Variants in CBFA2T2 observed in about 807,000 individuals in gnomAD.
The protein encoded by CBFA2T2 is CBFA2/RUNX1 partner transcriptional co-repressor 2.
A neutral mutation model predicts 62.2 loss-of-function variants in CBFA2T2; 11 were observed. The ratio of observed to expected loss-of-function variants is 0.18; its 90% confidence interval spans 0.11 to 0.29. CBFA2T2 has a LOEUF of 0.29. Ranked by LOEUF, CBFA2T2 falls within the 10% of genes least tolerant of loss-of-function variation. CBFA2T2 has a pLI of 1.00. For missense variants in CBFA2T2, 592 were observed against 774.1 expected (o/e 0.76, Z 2.79); for synonymous variants, 295 against 287.5 (o/e 1.03, Z -0.27).
At chr20:33,637,092 C>T (rs568556616) in intron 9 of CBFA2T2, among the ~76,000 whole-genome samples, 1 of 152,320 alleles carries the variant, frequency 6.6e-6, no homozygotes, top group South Asian at 2.1e-4. Flanking sequence ...AAATTCTGCT[C>T]TGGGCACAGC....
intron 1 of CBFA2T2, among the ~76,000 whole-genome samples, chr20:33,498,975 G>A (rs888637670): frequency 4.0e-5 from 6 of 151,774 alleles, no homozygotes; most frequent in Non-Finnish European, 5.9e-5. Context: ...CCCAGGGGGC[G>A]GAAGGTTGCA....
intron 1 of CBFA2T2, among the ~76,000 whole-genome samples, chr20:33,583,252 G>T (rs115987350): frequency 6.6e-6 from 1 of 152,110 alleles, no homozygotes; most frequent in Non-Finnish European, 1.5e-5. Flanking sequence ...CTATTGTATC[G>T]ATTTGAAAAA....
chr20:33,563,892 A>T (rs1054266091), intron 1 of CBFA2T2, among the ~76,000 whole-genome samples: 25 of 152,028 alleles, frequency 1.6e-4, no homozygotes, highest in Admixed American at 1.5e-3. Context: ...CTCGTCTCAG[A>T]TTGTCTGCAT....
chr20:33,602,932 T>C (rs185807687), intron 1 of CBFA2T2, among the ~76,000 whole-genome samples: 103 of 152,298 alleles, frequency 6.8e-4, no homozygotes, highest in Non-Finnish European at 1.0e-3. Flanking sequence ...GTAACCGAGA[T>C]GGCTACTAAG....
intron 1 of CBFA2T2, among the ~76,000 whole-genome samples, chr20:33,505,553 G>A (rs1256976900): frequency 6.6e-6 from 1 of 152,146 alleles, no homozygotes; most frequent in Non-Finnish European, 1.5e-5. Flanking sequence ...GGAGGCCGAG[G>A]CGGGTGAATC....
At chr20:33,543,659 GA>G (rs1353347447) in intron 1 of CBFA2T2, among the ~76,000 whole-genome samples, 1 of 152,014 alleles carries the variant, frequency 6.6e-6, no homozygotes, top group Admixed American at 6.6e-5. Context: ...TTTACAATTG[GA>G]AAAAACGGAA....
intron 8 of CBFA2T2, among the ~76,000 whole-genome samples, chr20:33,634,981 A>T (rs2016586551): frequency 6.6e-6 from 1 of 152,234 alleles, no homozygotes; most frequent in South Asian, 2.1e-4. Context: ...AGAGAACAAC[A>T]TTAGAAATCT....
At chr20:33,520,386 T>C (rs1011497583) in intron 1 of CBFA2T2, among the ~76,000 whole-genome samples, 2 of 152,218 alleles carry the variant, frequency 1.3e-5, no homozygotes, top group Non-Finnish European at 2.9e-5. Context: ...CTATATTGTC[T>C]TGGTAACCAA....
chr20:33,514,123 G>T (rs903015248), intron 1 of CBFA2T2, among the ~76,000 whole-genome samples: 1 of 148,952 alleles, frequency 6.7e-6, no homozygotes, highest in South Asian at 2.1e-4. Flanking sequence ...GGCGGGCCTC[G>T]AACTCCTGAC....
intron 1 of CBFA2T2, among the ~76,000 whole-genome samples, chr20:33,529,743 TTATATATATATATA>T (rs139769122): frequency 7.4e-4 from 3 of 4,040 alleles, no homozygotes; most frequent in African/African-American, 9.6e-4. Context: ...AAGAAAGCAG[TTATATATATATATA>T]TATATATATA....
chr20:33,618,614 A>G (rs887928052), intron 3 of CBFA2T2: 1 of 152,236 alleles, frequency 6.6e-6, no homozygotes, highest in Admixed American at 6.6e-5. Context: ...GAAGGCAACT[A>G]TTCTTTTTTC....
intron 1 of CBFA2T2, among the ~76,000 whole-genome samples, chr20:33,528,440 A>T (rs945432416): frequency 2.6e-5 from 4 of 152,220 alleles, no homozygotes; most frequent in African/African-American, 9.6e-5. Context: ...AGAAGAGCAG[A>T]TCATGACCGA....
Position 33,625,053 on chromosome 20 carries a change from G to A in CBFA2T2, c.946+36G>A, listed in dbSNP as rs779092502. On this transcript the variant is annotated intron_variant, in intron 6 of 10. Coordinates refer to ENST00000342704, the MANE Select transcript of CBFA2T2 (RefSeq NM_001032999.3). ...GAAGCAGCATGGTAAATTCAGACTGGATTCTTGGATTTCTTTCCAACTCAA... is the reference window on the plus strand; with the variant it reads ...GAAGCAGCATGGTAAATTCAGACTGAATTCTTGGATTTCTTTCCAACTCAA... 7 of 1,583,122 alleles carry A rather than the reference G, an allele frequency of 4.4e-6. No individual in the cohort carries two copies. The Admixed American group carries it at 1.2e-4, about 28-fold the overall frequency.
chr20:33,590,460 C>T (rs2014570898), intron 1 of CBFA2T2, among the ~76,000 whole-genome samples: 2 of 152,072 alleles, frequency 1.3e-5, no homozygotes, highest in African/African-American at 4.8e-5. Context: ...AGGCTATGCG[C>T]ATGCCCCAGG....
chr20:33,649,411 C>T lies in CBFA2T2; in HGVS notation c.*4765C>T, dbSNP rs2017172719. The T allele has an allele frequency of 6.5e-6, 1 of 152,706 alleles. No homozygotes were observed. The highest frequency in any genetic ancestry group is 1.5e-5 in the Non-Finnish European group (1 of 68,058). 9.5% of individuals were successfully genotyped at this position (152,706 alleles called of 1,614,324 possible). On this transcript the variant is annotated 3_prime_UTR_variant, in exon 11 of 11. Coordinates refer to ENST00000342704, the MANE Select transcript of CBFA2T2 (RefSeq NM_001032999.3). ...CTCTTTCCTCGGGCATCGACGTGCT[C>T]ATTTCCAAAGATGATGGTGCAGGTG...
At chr20:33,608,585 A>G (rs1384010655) in intron 2 of CBFA2T2, among the ~76,000 whole-genome samples, 2 of 152,208 alleles carry the variant, frequency 1.3e-5, no homozygotes, top group African/African-American at 2.4e-5. Context: ...TCTAATTTCT[A>G]TCTCAAAGTT....
At position 33,649,246 on chromosome 20, in the gene CBFA2T2, G is replaced by C. The variant is rs1379405660; in HGVS notation, c.*4600G>C. The C allele has an allele frequency of 6.6e-6, 1 of 152,454 alleles. No individual in the cohort carries two copies. Among genetic ancestry groups the C allele is most frequent in the East Asian group, 1.9e-4 (1 of 5,186 alleles). 9.4% of individuals were successfully genotyped at this position (152,454 alleles called of 1,614,324 possible). Reference sequence around the variant, plus strand: ...AAGAATAGCCAGCGGAGCATGGACTGTTCCAGCACGGGCCAGATGGCCAGC... The same window carrying C: ...AAGAATAGCCAGCGGAGCATGGACTCTTCCAGCACGGGCCAGATGGCCAGC... On this transcript the variant is annotated 3_prime_UTR_variant, in exon 11 of 11. Coordinates refer to ENST00000342704, the MANE Select transcript of CBFA2T2 (RefSeq NM_001032999.3).
At chr20:33,610,898 T>C (rs1190916250) in intron 2 of CBFA2T2, among the ~76,000 whole-genome samples, 196 bp from the exon 3 acceptor site, 2 of 152,198 alleles carry the variant, frequency 1.3e-5, no homozygotes, top group African/African-American at 4.8e-5. Flanking sequence ...TGCTTTCTTT[T>C]TAACGCTCCA....
At chr20:33,592,434 A>T (rs1355668775) in intron 1 of CBFA2T2, among the ~76,000 whole-genome samples, 1 of 148,120 alleles carries the variant, frequency 6.8e-6, no homozygotes, top group African/African-American at 2.4e-5. Context: ...AAAATTATAT[A>T]TAATTATGTA....
Sources: allele counts gnomAD v4.1 joint callset (sites outside exome capture counted in the v4.1 genomes callset), GRCh38; gene constraint gnomAD v4.1.1; transcripts MANE v1.5; gene names NCBI Gene and HGNC (gene_info 2026-07-23, HGNC 2026-07-21).